The following GFOD2 variants were observed in gnomAD, a reference collection of about 807,000 sequenced individuals.
GFOD2 encodes the protein glucose-fructose oxidoreductase domain-containing protein 2.
Under a neutral mutation model 24.6 loss-of-function variants are expected in GFOD2, and 9 were observed. That is an observed-to-expected ratio of 0.37 (90% CI 0.22 to 0.64). The LOEUF (loss-of-function observed/expected upper bound fraction) is 0.64, where lower values mean the gene tolerates loss of function less well. Ranked by LOEUF, GFOD2 falls within the 30% of genes least tolerant of loss-of-function variation. The pLI, the probability that GFOD2 is intolerant of heterozygous loss-of-function variation, is 0.65. For synonymous variants in GFOD2, 211 were observed against 224.8 expected, an observed-to-expected ratio of 0.94 and a Z score of 0.55; for missense variants, 476 against 532.5, an observed-to-expected ratio of 0.89 and a Z score of 1.04.
At chr16:67,708,684 G>C (rs1057041476) in intron 1 of GFOD2, among the ~76,000 whole-genome samples, 7 of 152,148 alleles carry the variant, frequency 4.6e-5, no homozygotes. Flanking sequence ...CCCTCACTTA[G>C]TGTCAGCCTC....
intron 1 of GFOD2, among the ~76,000 whole-genome samples, chr16:67,708,770 G>C (rs1360857364): frequency 6.6e-6 from 1 of 152,086 alleles, no homozygotes; most frequent in Non-Finnish European, 1.5e-5. Flanking sequence ...ACTGCATCCT[G>C]AGAGGCACCT....
chr16:67,710,834 G>C (rs926969037), intron 1 of GFOD2, among the ~76,000 whole-genome samples: 22 of 152,162 alleles, frequency 1.4e-4, no homozygotes, highest in African/African-American at 4.8e-4. Flanking sequence ...CCCACTTGCT[G>C]TGCTCTATTC....
Position 67,675,058 on chromosome 16 carries a change from A to G in GFOD2, c.*97T>C. On this transcript the variant is annotated 3_prime_UTR_variant, in exon 3 of 3. Transcript: ENST00000268797. ...GGCTTCACCCAGACTCATTAAATGA[A>G]AGACACTGTCTCTGCTAGGGCCAAG... 1 of 1,358,832 alleles carries G rather than the reference A, an allele frequency of 7.4e-7. No individual in the cohort carries two copies. Among genetic ancestry groups the G allele is most frequent in the Non-Finnish European group, 1.0e-6 (1 of 994,982 alleles). The allele number at this position is 1,358,832 out of a possible 1,614,324, so 84.2% of individuals were successfully genotyped here. A position where few individuals can be genotyped will look rare whatever the true frequency, so the allele number is the denominator to read the frequency against.
intron 1 of GFOD2, among the ~76,000 whole-genome samples, chr16:67,711,198 G>A (rs764862410): frequency 4.6e-5 from 7 of 152,224 alleles, no homozygotes; most frequent in Admixed American, 2.0e-4. Flanking sequence ...ATTATTGGTT[G>A]TAAATCATAC....
At chr16:67,706,718 G>A (rs1374749964) in intron 1 of GFOD2, among the ~76,000 whole-genome samples, 1 of 151,990 alleles carries the variant, frequency 6.6e-6, no homozygotes, top group Non-Finnish European at 1.5e-5. Context: ...AATAATTTCT[G>A]CTCATTAAAA....
intron 1 of GFOD2, among the ~76,000 whole-genome samples, chr16:67,711,639 C>T (rs2053474572): frequency 6.6e-6 from 1 of 152,202 alleles, no homozygotes; most frequent in Non-Finnish European, 1.5e-5. Context: ...TAATAGGCAT[C>T]TCACACTTAA....
intron 2 of GFOD2, chr16:67,677,088 C>A (rs2053189488): frequency 6.6e-6 from 1 of 152,188 alleles, no homozygotes; most frequent in Admixed American, 6.5e-5. Context: ...GGTAAAGACA[C>A]CCTGGCAAAA....
chr16:67,687,916 T>G (rs967073914), intron 1 of GFOD2, among the ~76,000 whole-genome samples: 2 of 152,142 alleles, frequency 1.3e-5, no homozygotes, highest in African/African-American at 4.8e-5. Context: ...GAGTCAAGAC[T>G]GCAGTGAGCT....
chr16:67,681,809 T>C, intron 2 of GFOD2: 1 of 984,966 alleles, frequency 1.0e-6, no homozygotes, highest in Non-Finnish European at 1.2e-6. Context: ...CTGTACAGAG[T>C]CTTTGGGTAG....
At chr16:67,712,933 G>A (rs1032637264) in intron 1 of GFOD2, among the ~76,000 whole-genome samples, 1 of 111,978 alleles carries the variant, frequency 8.9e-6, no homozygotes, top group Non-Finnish European at 1.7e-5. Flanking sequence ...CCTCTGCCCC[G>A]CCGCCCTGTC....
chr16:67,706,964 A>C (rs554425478), intron 1 of GFOD2, among the ~76,000 whole-genome samples: 32 of 151,442 alleles, frequency 2.1e-4, no homozygotes, highest in Non-Finnish European at 4.6e-4. Flanking sequence ...GAGGCTGAGG[A>C]AGGAGAATGG....
At chr16:67,714,110 T>G (rs1354845658) in intron 1 of GFOD2, among the ~76,000 whole-genome samples, 1 of 152,108 alleles carries the variant, frequency 6.6e-6, no homozygotes, top group African/African-American at 2.4e-5. Context: ...ACTGACCGTA[T>G]GAACTAGCTT....
At position 67,675,308 on chromosome 16, in the gene GFOD2, G is replaced by T. The variant is rs373673601; in HGVS notation, c.1005C>A (p.Ala335=). ...RTWDRTPVSM[A]ASFEDGLYMQ... ...TGTACAGCCCATCCTCGAAGGAGGC[G>T]GCCATGGAGACAGGGGTGCGGTCCC... The change falls in exon 3 of 3, where the codon GCC becomes GCA. Residue 335 remains alanine, a synonymous_variant. Coordinates refer to ENST00000268797, the MANE Select transcript of GFOD2 (RefSeq NM_030819.4). 3 of 1,612,836 alleles carry T rather than the reference G, an allele frequency of 1.9e-6. 1 individual carries two copies. The Admixed American group carries it at 5.0e-5, about 27-fold the overall frequency.
At chr16:67,718,204 C>G (rs1285934146) in intron 1 of GFOD2, among the ~76,000 whole-genome samples, 1 of 152,222 alleles carries the variant, frequency 6.6e-6, no homozygotes, top group African/African-American at 2.4e-5. Context: ...AACTTAAGGG[C>G]CACACACTAA....
chr16:67,681,903 G>A, intron 2 of GFOD2: 2 of 985,318 alleles, frequency 2.0e-6, no homozygotes, highest in Non-Finnish European at 2.4e-6. Context: ...AAATCTGCTG[G>A]GCACAGTGGC....
chr16:67,675,166 TC>T lies in GFOD2; in HGVS notation c.1146del (p.Asn383ThrfsTer31). 6.2e-7 allele frequency: 1 copy of T among 1,612,060 alleles called. No individual in the cohort carries two copies. The highest frequency in any genetic ancestry group is 8.5e-7 in the Non-Finnish European group (1 of 1,178,806). On this transcript the variant is annotated frameshift_variant, in exon 3 of 3. Coordinates refer to ENST00000268797, the MANE Select transcript of GFOD2 (RefSeq NM_030819.4). LOFTEE classifies it high-confidence loss of function. ...TNQNLCEALQ[R>X]NNL is the part of the protein sequence containing the mutation. ...GCCCAGGTGCAGGCTCATAGGTTGT[TC>T]CGCTGAAGTGCCTCACACAGGTTCT...
intron 1 of GFOD2, among the ~76,000 whole-genome samples, chr16:67,703,472 G>C (rs2053418455): frequency 6.6e-6 from 1 of 152,108 alleles, no homozygotes; most frequent in Non-Finnish European, 1.5e-5. Context: ...TCCTTGTAAA[G>C]AGGTGTGTCA....
chr16:67,703,401 C>T (rs1443026922), intron 1 of GFOD2, among the ~76,000 whole-genome samples: 2 of 151,720 alleles, frequency 1.3e-5, no homozygotes, highest in South Asian at 4.2e-4. Flanking sequence ...AAAACTCTGT[C>T]TCAAACAAAA....
At position 67,675,794 on chromosome 16, in the gene GFOD2, C is replaced by T; in HGVS notation, c.519G>A (p.Gly173=). ...TGTAGGTCCCCATGGTGTGCAAGCC[C>T]CCGCCGCCCATGAGCTCATCACAGA... ...GWICDELMGG[G]GLHTMGTYIV... The change falls in exon 3 of 3, where the codon GGG becomes GGA. Residue 173 remains glycine (G), a synonymous_variant. Transcript: ENST00000268797. The T allele has an allele frequency of 6.2e-7, 1 of 1,614,166 alleles. No homozygotes were observed. Among genetic ancestry groups the T allele is most frequent in the Admixed American group, 1.7e-5 (1 of 60,030 alleles).
Sources: allele counts gnomAD v4.1 joint callset (sites outside exome capture counted in the v4.1 genomes callset), GRCh38; gene constraint gnomAD v4.1.1; transcripts MANE v1.5; gene names NCBI Gene and HGNC (gene_info 2026-07-23, HGNC 2026-07-21).